The following RGPD3 variants were observed in gnomAD, a reference collection of about 807,000 sequenced individuals.
RGPD3 encodes the protein ranBP2-like and GRIP domain-containing protein 3.
In RGPD3, 62 loss-of-function variants were observed where a neutral mutation model predicts 154.5. The observed-to-expected ratio is 0.40, with a 90% CI of 0.33 to 0.50. The LOEUF is 0.50. Among genes scored for constraint, RGPD3 ranks in the 20% least tolerant of loss-of-function variants. The pLI is 0.59. For missense variants in RGPD3, 919 were observed against 1,716.8 expected, an observed-to-expected ratio of 0.54 and a Z score of 8.21; for synonymous variants, 308 against 607.0, an observed-to-expected ratio of 0.51 and a Z score of 7.24.
rs562104608 is a variant in RGPD3, at chr2:106,422,990, T to A, written c.4924+53A>T. 101 of 1,571,116 alleles carry A rather than the reference T, an allele frequency of 6.4e-5. 1 individual carries two copies. In the South Asian group the frequency reaches 1.1e-3, roughly 17 times the overall value. ...ATCCCACAAAGAGTCTGCATCAAGC[T>A]AAACATTAAAAGAAAGAAAAATTGT... On this transcript the variant is annotated intron_variant, in intron 20 of 22. Coordinates refer to ENST00000409886, the MANE Select transcript of RGPD3 (RefSeq NM_001144013.2).
intron 19 of RGPD3, 120 bp from the exon 20 acceptor site, chr2:106,425,386 T>C: frequency 2.2e-6 from 3 of 1,367,266 alleles, no homozygotes; most frequent in African/African-American, 1.5e-5. Context: ...ATGATGATGA[T>C]GATGATAACA....
At chr2:106,468,083 G>A (rs1678694479) in intron 1 of RGPD3, 134 bp downstream of exon 1, 4 of 1,185,706 alleles carry the variant, frequency 3.4e-6, no homozygotes, top group East Asian at 3.7e-5. Flanking sequence ...CGAGGCCGCC[G>A]CCTCCACAGA....
chr2:106,450,963 C>T (rs527582803), intron 6 of RGPD3, among the ~76,000 whole-genome samples: 120 of 148,742 alleles, frequency 8.1e-4, no homozygotes, highest in Non-Finnish European at 1.5e-3. Context: ...GTGGTGTGCG[C>T]CTGTGGTCCC....
At chr2:106,434,107 T>G in intron 15 of RGPD3, 121 bp downstream of exon 15, 2 of 1,558,734 alleles carry the variant, frequency 1.3e-6, no homozygotes, top group African/African-American at 2.7e-5. Context: ...ACATCCCTTC[T>G]GTGCATTAAT....
intron 6 of RGPD3, among the ~76,000 whole-genome samples, chr2:106,450,102 G>A (rs1214592027): frequency 1.4e-5 from 2 of 143,432 alleles, no homozygotes; most frequent in East Asian, 4.3e-4. Flanking sequence ...GGTGTGGGCT[G>A]GGCGCGGTGG....
intron 1 of RGPD3, 35 bp downstream of exon 1, chr2:106,468,182 G>A: frequency 6.3e-7 from 1 of 1,579,832 alleles, no homozygotes; most frequent in Middle Eastern, 2.3e-4. Context: ...CGCCCGGCCA[G>A]GTCGAGGCCG....
intron 17 of RGPD3, among the ~76,000 whole-genome samples, chr2:106,432,726 G>C (rs1167915554): frequency 9.7e-6 from 1 of 103,128 alleles, no homozygotes; most frequent in Non-Finnish European, 1.9e-5. Context: ...CGAAGCCGCA[G>C]TAAGCTGTGA....
intron 22 of RGPD3, among the ~76,000 whole-genome samples, chr2:106,409,871 CTTTTTTT>C (rs57602292): frequency 7.4e-5 from 7 of 94,452 alleles, no homozygotes; most frequent in East Asian, 2.9e-4. Context: ...TTGTAGTTTA[CTTTTTTT>C]TTTTTTTTTT....
chr2:106,460,059 G>C (rs1379904549), intron 1 of RGPD3, among the ~76,000 whole-genome samples: 1 of 35,768 alleles, frequency 2.8e-5, no homozygotes, highest in Admixed American at 3.2e-4. Context: ...AGAATCACTT[G>C]AGCCCAGGAG....
intron 7 of RGPD3, among the ~76,000 whole-genome samples, chr2:106,444,697 G>A (rs1677853063): frequency 2.0e-5 from 3 of 147,866 alleles, no homozygotes; most frequent in Admixed American, 1.4e-4. Flanking sequence ...ATGGTGGCAG[G>A]CACCTGTAGT....
At position 106,424,293 on chromosome 2, in the gene RGPD3, C is replaced by T. The variant is rs1414226250; in HGVS notation, c.3674G>A (p.Gly1225Asp). 3 of 1,611,852 alleles carry T rather than the reference C, an allele frequency of 1.9e-6. No homozygotes were observed. Among genetic ancestry groups the T allele is most frequent in the African/African-American group, 2.7e-5 (2 of 74,826 alleles). The change falls in exon 20 of 23, where the codon GGT becomes GAT. Residue 1225 changes from glycine to aspartate, a missense_variant. Coordinates refer to ENST00000409886, the MANE Select transcript of RGPD3 (RefSeq NM_001144013.2). ...KVAEEENKGS[G>D]TGAAGASDTT... ...GTCTGAGGCACCGGCCGCACCTGTA[C>T]CTGAACCCTTATTTTCTTCCTCAGC...
intron 22 of RGPD3, among the ~76,000 whole-genome samples, chr2:106,410,990 A>G (rs1296833573): frequency 6.6e-6 from 1 of 150,720 alleles, no homozygotes; most frequent in Non-Finnish European, 1.5e-5. Context: ...TATCAATACT[A>G]CTTATGAAGT....
At chr2:106,412,053 A>G (rs1365951729) in intron 22 of RGPD3, among the ~76,000 whole-genome samples, 2 of 147,164 alleles carry the variant, frequency 1.4e-5, no homozygotes, top group African/African-American at 5.0e-5. Context: ...AAGATTGTCC[A>G]TGAGTTGAAA....
In RGPD3 at chr2:106,404,342, CAT is replaced by C. The variant is rs1293475340; in HGVS notation, c.*875_*876del. On this transcript the variant is annotated 3_prime_UTR_variant, in exon 23 of 23. Coordinates refer to ENST00000409886, the MANE Select transcript of RGPD3 (RefSeq NM_001144013.2). ...AACTCAAGTGGTGGGCCCACCTATT[CAT>C]AGTCAGTGTTACACTAGCCAGCTCT... Among the ~76,000 whole-genome samples the C allele has an allele frequency of 2.7e-5, 4 of 149,222 alleles. No individual in the cohort carries two copies. The East Asian group carries it at 5.8e-4, about 22-fold the overall frequency.
intron 18 of RGPD3, among the ~76,000 whole-genome samples, chr2:106,426,642 A>G: frequency 6.6e-6 from 1 of 152,164 alleles, no homozygotes; most frequent in Admixed American, 6.5e-5. Flanking sequence ...ACTCATACAG[A>G]TGTACAAACT....
chr2:106,424,318 C>T lies in RGPD3; in HGVS notation c.3649G>A (p.Ala1217Thr), dbSNP rs199659401. 4.7e-5 allele frequency: 75 copies of T among 1,611,858 alleles called. No homozygotes were observed. Among genetic ancestry groups the T allele is most frequent in the South Asian group, 2.2e-4 (20 of 90,948 alleles). The change falls in exon 20 of 23, where the codon GCT becomes ACT. Residue 1217 changes from alanine to threonine, a missense_variant. Physicochemically the swap from Ala to Thr is moderately conservative, Grantham distance 58. Transcript: ENST00000409886. ...TFLTNDQTKV[A>T]EEENKGSGTG... is the part of the protein sequence containing the mutation. ...CCTGAACCCTTATTTTCTTCCTCAG[C>T]GACTTTTGTTTGATCATTTGTCAAA... is the stretch of plus-strand genomic sequence containing the variant.
intron 22 of RGPD3, among the ~76,000 whole-genome samples, chr2:106,408,812 G>A (rs551373687): frequency 2.6e-5 from 4 of 151,768 alleles, no homozygotes; most frequent in Non-Finnish European, 5.9e-5. Flanking sequence ...TTAGCCTCCC[G>A]AGTAGCTAGG....
At chr2:106,462,834 G>T (rs2104520443) in intron 1 of RGPD3, among the ~76,000 whole-genome samples, 1 of 151,040 alleles carries the variant, frequency 6.6e-6, no homozygotes, top group East Asian at 2.0e-4. Flanking sequence ...CCCAACAAGG[G>T]TGAAGGCCGT....
intron 20 of RGPD3, among the ~76,000 whole-genome samples, chr2:106,418,290 C>T (rs1266136139): frequency 4.1e-5 from 6 of 148,064 alleles, no homozygotes; most frequent in African/African-American, 9.9e-5. Flanking sequence ...GAGTAGAGGG[C>T]CAAACTACTG....
Sources: allele counts gnomAD v4.1 joint callset (sites outside exome capture counted in the v4.1 genomes callset), GRCh38; gene constraint gnomAD v4.1.1; transcripts MANE v1.5; gene names NCBI Gene and HGNC (gene_info 2026-07-23, HGNC 2026-07-21).